Variants in GOLGA4 observed in about 807,000 individuals in gnomAD.
GOLGA4 encodes the protein golgin subfamily A member 4.
GOLGA4 carries 169 observed loss-of-function variants against 265.9 expected under a neutral mutation model. The ratio of observed to expected loss-of-function variants is 0.64; its 90% confidence interval spans 0.56 to 0.72. The LOEUF is 0.72. GOLGA4 is among the 30% of genes least tolerant of loss of function. The pLI is 0.00. For synonymous variants in GOLGA4, 923 were observed against 855.8 expected (o/e 1.08, Z -1.37); for missense variants, 2,482 against 2,483.4 (o/e 1.00, Z 0.01).
At chr3:37,262,550 A>T (rs145299323) in intron 2 of GOLGA4, among the ~76,000 whole-genome samples, 5 of 152,042 alleles carry the variant, frequency 3.3e-5, no homozygotes, top group African/African-American at 9.7e-5. Flanking sequence ...TGATGTAAAC[A>T]TGTAAATCAC....
At chr3:37,316,910 A>C (rs1333336109) in intron 11 of GOLGA4, among the ~76,000 whole-genome samples, 1 of 151,684 alleles carries the variant, frequency 6.6e-6, no homozygotes, top group Non-Finnish European at 1.5e-5. Flanking sequence ...CATCGTTTTT[A>C]AAAATTCAGT....
At chr3:37,274,099 CAAAA>C (rs34797146) in intron 2 of GOLGA4, among the ~76,000 whole-genome samples, 1 of 101,984 alleles carries the variant, frequency 9.8e-6, no homozygotes, top group African/African-American at 3.7e-5. Context: ...GGCTCTGTCT[CAAAA>C]AAAAAAAAAA....
chr3:37,296,197 A>G lies in GOLGA4; in HGVS notation c.792A>G (p.Pro264=). 1 of 1,614,180 alleles carries G rather than the reference A, an allele frequency of 6.2e-7. No homozygotes were observed. Among genetic ancestry groups the G allele is most frequent in the Non-Finnish European group, 8.5e-7 (1 of 1,179,994 alleles). ...QAEVFTKEEN[P]ESDGEPVVED... Reference sequence around the variant, plus strand: ...AAGTCTTCACTAAAGAAGAGAATCCAGAAAGTGATGGAGAGCCAGTAGGTA... The same window carrying G: ...AAGTCTTCACTAAAGAAGAGAATCCGGAAAGTGATGGAGAGCCAGTAGGTA... Residue 264 remains proline, a synonymous_variant, in exon 7 of 24, where the codon CCA becomes CCG. Coordinates refer to ENST00000361924, the MANE Select transcript of GOLGA4 (RefSeq NM_002078.5).
rs760761622 is a variant in GOLGA4, at chr3:37,302,179, A to C, written c.1087-6A>C. The C allele has an allele frequency of 6.2e-7, 1 of 1,611,840 alleles. No homozygotes were observed. Among genetic ancestry groups the C allele is most frequent in the Non-Finnish European group, 8.5e-7 (1 of 1,178,242 alleles). Reference sequence around the variant, plus strand: ...CAAATGTTTTAGAGTCTTCACTTCTATTCAGGGAATGGTAATCGCAGAGAC... The same window carrying C: ...CAAATGTTTTAGAGTCTTCACTTCTCTTCAGGGAATGGTAATCGCAGAGAC... On this transcript the variant is annotated splice_region_variant and splice_polypyrimidine_tract_variant and intron_variant, in intron 9 of 23. Transcript: ENST00000361924.
At chr3:37,353,486 G>T (rs768915717) in intron 21 of GOLGA4, among the ~76,000 whole-genome samples, 4 of 151,994 alleles carry the variant, frequency 2.6e-5, no homozygotes, top group Non-Finnish European at 4.4e-5. Context: ...TAAATGATGA[G>T]GGTTTTTGTA....
chr3:37,249,099 C>G (rs557104414), intron 1 of GOLGA4, among the ~76,000 whole-genome samples: 216 of 152,224 alleles, frequency 1.4e-3, no homozygotes, highest in Non-Finnish European at 2.5e-3. Flanking sequence ...ATAGTGGCAG[C>G]CTTTGAGGCA....
chr3:37,275,855 A>G, intron 2 of GOLGA4: 3 of 1,613,814 alleles, frequency 1.9e-6, no homozygotes, highest in African/African-American at 1.3e-5. Flanking sequence ...TGCTATTCGC[A>G]AGCAGAGTAC....
At chr3:37,333,659 A>G (rs907700825) in intron 16 of GOLGA4, among the ~76,000 whole-genome samples, 4 of 152,196 alleles carry the variant, frequency 2.6e-5, no homozygotes, top group Admixed American at 1.3e-4. Flanking sequence ...AAACCAAGAC[A>G]GAGAACAGTG....
chr3:37,349,143 G>A (rs1355820781), intron 21 of GOLGA4, among the ~76,000 whole-genome samples: 3 of 152,140 alleles, frequency 2.0e-5, no homozygotes, highest in African/African-American at 7.2e-5. Flanking sequence ...TAGAAAATTG[G>A]TACTAGGTAT....
chr3:37,254,296 C>T (rs906083509), intron 2 of GOLGA4, among the ~76,000 whole-genome samples: 1 of 152,084 alleles, frequency 6.6e-6, no homozygotes, highest in Admixed American at 6.6e-5. Context: ...TCTCAGGAAA[C>T]TGTATATACT....
chr3:37,364,461 C>T (rs922397280), intron 23 of GOLGA4, among the ~76,000 whole-genome samples: 2 of 151,406 alleles, frequency 1.3e-5, no homozygotes, highest in Admixed American at 6.6e-5. Flanking sequence ...AGGCTGGTCT[C>T]GAACTCCTGA....
rs2096835926 is a variant in GOLGA4, at chr3:37,281,987, G to T, written c.192G>T (p.Lys64Asn). 6.2e-7 allele frequency: 1 copy of T among 1,613,714 alleles called. No individual in the cohort carries two copies. The highest frequency in any genetic ancestry group is 8.5e-7 in the Non-Finnish European group (1 of 1,179,816). ...ESGDTQSFAQ[K>N]LQLRVPSVES... ...GTGACACACAGTCTTTTGCACAGAA[G>T]CTCCAGCTCCGGGTGCCCTCCGTGG... is the stretch of plus-strand genomic sequence containing the variant. The change falls in exon 3 of 24, where the codon AAG becomes AAT. Residue 64 changes from lysine (K) to asparagine (N), a missense_variant. Physicochemically the swap from Lys to Asn is moderately conservative, Grantham distance 94. Around this residue, in one of 3 missense-constraint regions of GOLGA4, gnomAD observed 1,536 missense variants for 1,483.7 expected, o/e 1.04. Transcript: ENST00000361924.
chr3:37,289,182 C>T, intron 4 of GOLGA4, 53 bp from the exon 5 acceptor site: 5 of 897,392 alleles, frequency 5.6e-6, no homozygotes, highest in Admixed American at 4.9e-5. Flanking sequence ...TTTGTATTTA[C>T]TATGTCATAC....
chr3:37,305,560 A>C (rs1479702375), intron 10 of GOLGA4, among the ~76,000 whole-genome samples: 4 of 152,212 alleles, frequency 2.6e-5, no homozygotes, highest in Non-Finnish European at 5.9e-5. Context: ...AATGTAAAGG[A>C]AGTAGGATTT....
rs1406546780 is a variant in GOLGA4 at position 37,243,325 on chromosome 3, G to T, written c.-226G>T. The T allele has an allele frequency of 2.5e-5, 14 of 568,946 alleles. No individual in the cohort carries two copies. Among genetic ancestry groups the T allele is most frequent in the Non-Finnish European group, 4.4e-5 (14 of 318,356 alleles). 35.2% of individuals were successfully genotyped at this position (568,946 alleles called of 1,614,324 possible). On this transcript the variant is annotated 5_prime_UTR_variant, in exon 1 of 24. Transcript: ENST00000361924. ...CGCGGCTCCCGGGGCTGGATGGGGG[G>T]CCGAGGCCAGCCAGTGGCACCCGGA... is the stretch of plus-strand genomic sequence containing the variant.
intron 2 of GOLGA4, among the ~76,000 whole-genome samples, chr3:37,257,936 C>CAT (rs1455389094): frequency 1.0e-5 from 1 of 96,794 alleles, no homozygotes; most frequent in African/African-American, 5.3e-5. Context: ...TGTATATATA[C>CAT]ATACATATAT....
Position 37,299,344 on chromosome 3 carries a change from C to G in GOLGA4, c.1059C>G (p.Asn353Lys). The G allele has an allele frequency of 6.2e-7, 1 of 1,612,606 alleles. No homozygotes were observed. Among genetic ancestry groups the G allele is most frequent in the Non-Finnish European group, 8.5e-7 (1 of 1,178,752 alleles). The change falls in exon 9 of 24, where the codon AAC becomes AAG. Residue 353 changes from asparagine (N) to lysine (K), a missense_variant. Asn to Lys is a moderately conservative substitution (Grantham distance 94, BLOSUM62 0). Around this residue, in one of 3 missense-constraint regions of GOLGA4, gnomAD observed 1,536 missense variants for 1,483.7 expected, o/e 1.04. Transcript: ENST00000361924. ...KLITQLRDAK[N>K]LIEQLEQDKG... is the part of the protein sequence containing the mutation. ...TCACTCAGTTGCGTGATGCAAAGAA[C>G]TTAATTGAACAGCTTGAACAAGATA...
intron 21 of GOLGA4, among the ~76,000 whole-genome samples, chr3:37,348,160 T>G (rs2097061968): frequency 2.0e-5 from 3 of 152,144 alleles, no homozygotes; most frequent in Non-Finnish European, 2.9e-5. Flanking sequence ...AGCACTGATT[T>G]GGCAAATATA....
chr3:37,305,116 A>C (rs938505764), intron 10 of GOLGA4, among the ~76,000 whole-genome samples: 2 of 151,960 alleles, frequency 1.3e-5, no homozygotes, highest in African/African-American at 4.8e-5. Context: ...ACCGGGTTTC[A>C]CTGTGTTGGC....
Sources: gnomAD v4.1 joint callset for allele counts (sites outside exome capture counted in the v4.1 genomes callset) on GRCh38, gnomAD v4.1.1 for gene constraint, gnomAD v4.1.1 regional missense constraint, MANE v1.5 for transcripts, NCBI Gene and HGNC (gene_info 2026-07-23, HGNC 2026-07-21) for gene names.